BBS9: variants seen among roughly 807,000 people sequenced by gnomAD.
BBS9 encodes the protein Bardet-Biedl syndrome 9.
BBS9 carries 89 observed loss-of-function variants against 117.7 expected under a neutral mutation model. The ratio of observed to expected loss-of-function variants is 0.76; its 90% CI spans 0.64 to 0.90. The LOEUF (loss-of-function observed/expected upper bound fraction) is 0.90, where lower values mean the gene tolerates loss of function less well. BBS9 is among the 40% of genes least tolerant of loss of function. The probability of loss-of-function intolerance (pLI) is 0.00; values close to 1 mark genes in which losing one functional copy is unlikely to be tolerated. For missense variants in BBS9, 982 were observed against 1,042.2 expected, an observed-to-expected ratio of 0.94 and a Z score of 0.80; for synonymous variants, 379 against 370.9, an observed-to-expected ratio of 1.02 and a Z score of -0.25.
intron 21 of BBS9, among the ~76,000 whole-genome samples, chr7:33,578,041 TA>T (rs1338198381): frequency 2.0e-5 from 3 of 152,200 alleles, no homozygotes; most frequent in Non-Finnish European, 4.4e-5. Context: ...CCCTAGAACT[TA>T]AAGTATAATT....
chr7:33,485,733 A>T (rs1375504329), intron 19 of BBS9, among the ~76,000 whole-genome samples: 2 of 152,354 alleles, frequency 1.3e-5, no homozygotes, highest in African/African-American at 2.4e-5. Flanking sequence ...AGTAGGCCAA[A>T]TTATGACAAG....
At chr7:33,544,254 G>A (rs1339175890) in intron 21 of BBS9, among the ~76,000 whole-genome samples, 1 of 152,046 alleles carries the variant, frequency 6.6e-6, no homozygotes. Flanking sequence ...TTTTTTGGTG[G>A]TGTTGAAGAG....
chr7:33,393,572 A>T (rs1277595476), intron 19 of BBS9, among the ~76,000 whole-genome samples: 2 of 152,174 alleles, frequency 1.3e-5, no homozygotes, highest in Non-Finnish European at 2.9e-5. Context: ...GGGAGTTCAG[A>T]TGCAGAGCAA....
chr7:33,286,138 A>G (rs907313916), intron 9 of BBS9, among the ~76,000 whole-genome samples: 31 of 152,084 alleles, frequency 2.0e-4, no homozygotes, highest in African/African-American at 7.5e-4. Flanking sequence ...CAATGGTAGA[A>G]TTCTACTTAT....
intron 21 of BBS9, among the ~76,000 whole-genome samples, chr7:33,550,414 A>C (rs1234930241): frequency 6.6e-6 from 1 of 152,174 alleles, no homozygotes; most frequent in East Asian, 1.9e-4. Context: ...TTTTATTTAA[A>C]TTTTTCAAAT....
At chr7:33,271,300 G>A (rs1270071256) in intron 7 of BBS9, among the ~76,000 whole-genome samples, 1 of 152,052 alleles carries the variant, frequency 6.6e-6, no homozygotes, top group Non-Finnish European at 1.5e-5. Flanking sequence ...CTATAAAGCA[G>A]CCATACAAAC....
chr7:33,512,996 C>G (rs1318808349), intron 20 of BBS9, among the ~76,000 whole-genome samples: 1 of 152,230 alleles, frequency 6.6e-6, no homozygotes, highest in Non-Finnish European at 1.5e-5. Flanking sequence ...TCTCCCATCA[C>G]ACACCTGTGT....
chr7:33,317,359 A>C (rs1810731602), intron 9 of BBS9, among the ~76,000 whole-genome samples: 2 of 151,784 alleles, frequency 1.3e-5, no homozygotes, highest in Non-Finnish European at 2.9e-5. Context: ...TTTTGTAGAA[A>C]GTGTAGAAAT....
chr7:33,401,378 T>G (rs746416483), intron 19 of BBS9, among the ~76,000 whole-genome samples: 53 of 152,196 alleles, frequency 3.5e-4, no homozygotes, highest in Non-Finnish European at 5.1e-4. Flanking sequence ...TTGAAGAGAT[T>G]TATTCTGAGC....
intron 21 of BBS9, among the ~76,000 whole-genome samples, chr7:33,596,129 A>G (rs1444452886): frequency 6.6e-6 from 1 of 151,798 alleles, no homozygotes; most frequent in Non-Finnish European, 1.5e-5. Context: ...TATGGCACAC[A>G]TATACCTTTG....
At chr7:33,228,125 C>G (rs1239016039) in intron 5 of BBS9, among the ~76,000 whole-genome samples, 1 of 152,150 alleles carries the variant, frequency 6.6e-6, no homozygotes, top group East Asian at 1.9e-4. Context: ...TTCACCACAT[C>G]CATGCCAATA....
chr7:33,631,713 C>T (rs554157136), intron 21 of BBS9, among the ~76,000 whole-genome samples: 265 of 152,250 alleles, frequency 1.7e-3, no homozygotes, highest in Non-Finnish European at 2.9e-3. Flanking sequence ...AATTCCAGCT[C>T]GATGCAATTT....
chr7:33,369,445 A>C (rs979174666), intron 17 of BBS9, among the ~76,000 whole-genome samples: 1 of 152,228 alleles, frequency 6.6e-6, no homozygotes, highest in African/African-American at 2.4e-5. Context: ...TTTTACCAAA[A>C]ATCAATTATA....
chr7:33,566,326 C>A (rs1856931688), intron 21 of BBS9, among the ~76,000 whole-genome samples: 2 of 151,526 alleles, frequency 1.3e-5, no homozygotes, highest in Non-Finnish European at 2.9e-5. Flanking sequence ...TATATATTCA[C>A]AATACATAAT....
intron 20 of BBS9, among the ~76,000 whole-genome samples, chr7:33,519,955 A>C (rs1277438262): frequency 6.6e-6 from 1 of 152,054 alleles, no homozygotes; most frequent in Non-Finnish European, 1.5e-5. Context: ...GGTAGTCGAG[A>C]GAATTAATTG....
At chr7:33,217,491 A>T (rs1432984976) in intron 5 of BBS9, among the ~76,000 whole-genome samples, 1 of 152,234 alleles carries the variant, frequency 6.6e-6, no homozygotes, top group Non-Finnish European at 1.5e-5. Flanking sequence ...GACTAACATT[A>T]AACATGTTTA....
intron 1 of BBS9, among the ~76,000 whole-genome samples, chr7:33,143,855 G>A (rs118148232): frequency 0.013 from 1,530 of 120,554 alleles, 14 homozygotes; most frequent in Middle Eastern, 0.043. Context: ...ATGAGCCACC[G>A]CACCCAGCTC....
chr7:33,605,775 A>G lies in BBS9; in HGVS notation c.*549A>G, dbSNP rs73690947. The G allele has an allele frequency of 0.015, 2,389 of 158,750 alleles. 72 individuals carry two copies. Among genetic ancestry groups the G allele is most frequent in the African/African-American group, 0.055 (2,271 of 41,602 alleles). 9.8% of individuals were successfully genotyped at this position (158,750 alleles called of 1,614,324 possible). On this transcript the variant is annotated 3_prime_UTR_variant, in exon 23 of 23. Transcript: ENST00000242067. ...TTATTTTATAAATAAAAGAACCACTATGAAACTTTCATGTGATTTGTTCTA... is the reference window on the plus strand; with the variant it reads ...TTATTTTATAAATAAAAGAACCACTGTGAAACTTTCATGTGATTTGTTCTA...
At chr7:33,474,846 T>C (rs562132583) in intron 19 of BBS9, among the ~76,000 whole-genome samples, 1 of 152,302 alleles carries the variant, frequency 6.6e-6, no homozygotes, top group South Asian at 2.1e-4. Context: ...CTTGGGAGGC[T>C]GAGGCAGAGA....
Sources: gnomAD v4.1 joint callset for allele counts (sites outside exome capture counted in the v4.1 genomes callset) on GRCh38, gnomAD v4.1.1 for gene constraint, MANE v1.5 for transcripts, NCBI Gene and HGNC (gene_info 2026-07-23, HGNC 2026-07-21) for gene names.